PTPRJ: variants seen among roughly 807,000 people sequenced by gnomAD.
PTPRJ encodes the protein protein tyrosine phosphatase receptor type J, also known as receptor-type tyrosine-protein phosphatase eta.
PTPRJ carries 129 observed loss-of-function variants against 141.3 expected under a neutral mutation model. The observed-to-expected ratio is 0.91, with a 90% CI of 0.79 to 1.06. The LOEUF (loss-of-function observed/expected upper bound fraction) is 1.06, where lower values mean the gene tolerates loss of function less well. Among genes scored for constraint, PTPRJ ranks in the 50% least tolerant of loss-of-function variants. The pLI is 0.00. For synonymous variants in PTPRJ, 610 were observed against 640.5 expected (o/e 0.95, Z 0.72); for missense variants, 1,601 against 1,679.7 (o/e 0.95, Z 0.82).
At chr11:48,131,877 G>A (rs937241664) in intron 8 of PTPRJ, 1 of 214,750 alleles carries the variant, frequency 4.7e-6, no homozygotes, top group Non-Finnish European at 9.1e-6. Flanking sequence ...ATGTTATTTG[G>A]CTTTTTCATT....
chr11:48,137,033 G>C lies in PTPRJ; in HGVS notation c.1904G>C (p.Ser635Thr), dbSNP rs2134360091. 1 of 1,606,124 alleles carries C rather than the reference G, an allele frequency of 6.2e-7. No individual in the cohort carries two copies. The highest frequency in any genetic ancestry group is 8.5e-7 in the Non-Finnish European group (1 of 1,172,810). Residue 635 changes from serine to threonine, a missense_variant, in exon 10 of 25, where the codon AGT becomes ACT. Transcript: ENST00000418331. ...RPSNVSNIDV[S>T]TNTTAATLSW... ...AGCAATGTGTCCAACATTGATGTAA[G>C]TACCAACACCACAGCAGCAACTTTA...
intron 1 of PTPRJ, among the ~76,000 whole-genome samples, chr11:48,035,029 C>T (rs1167784116): frequency 6.6e-6 from 1 of 152,222 alleles, no homozygotes; most frequent in Non-Finnish European, 1.5e-5. Context: ...TCGAGTTTGT[C>T]TGGCTTCCGA....
intron 8 of PTPRJ, 62 bp from the exon 9 acceptor site, chr11:48,135,977 G>A: frequency 1.9e-6 from 3 of 1,568,496 alleles, no homozygotes; most frequent in Non-Finnish European, 1.7e-6. Flanking sequence ...ACAGCACTTG[G>A]AGAGGAAGCT....
chr11:48,068,515 T>C (rs1229548099), intron 1 of PTPRJ, among the ~76,000 whole-genome samples: 1 of 152,200 alleles, frequency 6.6e-6, no homozygotes, highest in Non-Finnish European at 1.5e-5. Flanking sequence ...TCCACCGTGA[T>C]TGTGAGGCCT....
At chr11:47,993,113 G>C (rs1396956201) in intron 1 of PTPRJ, among the ~76,000 whole-genome samples, 1 of 152,138 alleles carries the variant, frequency 6.6e-6, no homozygotes, top group East Asian at 1.9e-4. Flanking sequence ...AAATTGTCGA[G>C]AGGCACTTCA....
At chr11:48,130,340 A>G (rs1856942677) in intron 7 of PTPRJ, 119 bp from the exon 8 acceptor site, 1 of 1,037,144 alleles carries the variant, frequency 9.6e-7, no homozygotes, top group East Asian at 2.5e-5. Flanking sequence ...TACAAAGAAG[A>G]CAGAGAGAGG....
At chr11:48,082,206 C>T (rs567141272) in intron 1 of PTPRJ, among the ~76,000 whole-genome samples, 74 of 152,310 alleles carry the variant, frequency 4.9e-4, no homozygotes, top group African/African-American at 1.6e-3. Flanking sequence ...AGAAACTTTA[C>T]CTCTGTTTTC....
intron 19 of PTPRJ, 40 bp downstream of exon 19, chr11:48,153,926 C>T: frequency 7.3e-7 from 1 of 1,368,316 alleles, no homozygotes; most frequent in Non-Finnish European, 1.0e-6. Flanking sequence ...TGTGTTCCAT[C>T]AGTGGCCATC....
chr11:48,153,738 A>G (rs1243198791), intron 18 of PTPRJ, 58 bp from the exon 19 acceptor site: 3 of 1,178,282 alleles, frequency 2.5e-6, no homozygotes, highest in Non-Finnish European at 3.8e-6. Context: ...ATGCTATGCT[A>G]AATATGAATA....
chr11:48,073,437 A>G (rs1855315229), intron 1 of PTPRJ, among the ~76,000 whole-genome samples: 2 of 152,196 alleles, frequency 1.3e-5, no homozygotes, highest in African/African-American at 4.8e-5. Flanking sequence ...TGCTTACCTC[A>G]GTTTTCTCAT....
chr11:48,068,478 A>G (rs1023402869), intron 1 of PTPRJ, among the ~76,000 whole-genome samples: 9 of 152,142 alleles, frequency 5.9e-5, no homozygotes, highest in African/African-American at 1.9e-4. Context: ...CCACCATGTA[A>G]GATGTGACTT....
At chr11:47,981,339 C>T (rs1053001712) in intron 1 of PTPRJ, among the ~76,000 whole-genome samples, 10 of 152,120 alleles carry the variant, frequency 6.6e-5, no homozygotes, top group African/African-American at 2.2e-4. Context: ...ACGGGCCCGG[C>T]TTCCTAGCCG....
At chr11:48,122,611 T>C (rs892640684) in intron 4 of PTPRJ, among the ~76,000 whole-genome samples, 1 of 152,126 alleles carries the variant, frequency 6.6e-6, no homozygotes, top group Non-Finnish European at 1.5e-5. Context: ...GAACCCGGAG[T>C]CTAACTCTAG....
intron 1 of PTPRJ, among the ~76,000 whole-genome samples, chr11:48,001,365 T>A (rs1450252901): frequency 6.6e-6 from 1 of 150,670 alleles, no homozygotes; most frequent in Non-Finnish European, 1.5e-5. Context: ...TGTGTGTGTG[T>A]GTGTGTGTGT....
At chr11:48,003,577 C>T (rs1026733819) in intron 1 of PTPRJ, among the ~76,000 whole-genome samples, 1 of 152,190 alleles carries the variant, frequency 6.6e-6, no homozygotes, top group Non-Finnish European at 1.5e-5. Flanking sequence ...TTCACTGCAA[C>T]GTCCGCCTCC....
chr11:48,070,112 C>T (rs576462870), intron 1 of PTPRJ, among the ~76,000 whole-genome samples: 2 of 152,306 alleles, frequency 1.3e-5, no homozygotes, highest in African/African-American at 4.8e-5. Context: ...AGTGCCATAT[C>T]TTTGGTTGGG....
rs1019306230 is a variant in PTPRJ at position 48,071,138 on chromosome 11, T to G, written c.97-38920T>G. 1.7e-4 allele frequency among the ~76,000 whole-genome samples: 26 copies of G among 152,214 alleles called. 1 individual carries two copies. Among genetic ancestry groups the G allele is most frequent in the Non-Finnish European group, 7.3e-5 (5 of 68,038 alleles). Reference sequence around the variant, plus strand: ...CAGATGAGTGAAAAGAAGGGTTAGATACTCTCTAGTTCACTTTTCTTCCAG... The same window carrying G: ...CAGATGAGTGAAAAGAAGGGTTAGAGACTCTCTAGTTCACTTTTCTTCCAG... On this transcript the variant is annotated intron_variant, in intron 1 of 24. Coordinates refer to ENST00000418331, the MANE Select transcript of PTPRJ (RefSeq NM_002843.4).
At chr11:48,049,169 G>A (rs190431158) in intron 1 of PTPRJ, among the ~76,000 whole-genome samples, 1 of 152,242 alleles carries the variant, frequency 6.6e-6, no homozygotes, top group East Asian at 1.9e-4. Flanking sequence ...GTGCATTGCA[G>A]GATGTTAGGA....
At chr11:48,077,760 A>T (rs889576139) in intron 1 of PTPRJ, among the ~76,000 whole-genome samples, 1 of 152,094 alleles carries the variant, frequency 6.6e-6, no homozygotes, top group African/African-American at 2.4e-5. Flanking sequence ...AACCTTCAAG[A>T]CCTGGTTCAA....
Sources: gnomAD v4.1 joint callset for allele counts (sites outside exome capture counted in the v4.1 genomes callset) on GRCh38, gnomAD v4.1.1 for gene constraint, MANE v1.5 for transcripts, NCBI Gene and HGNC (gene_info 2026-07-23, HGNC 2026-07-21) for gene names.